The following MCPH1 variants were observed in gnomAD, a reference collection of about 807,000 sequenced individuals.
The protein encoded by MCPH1 is microcephalin 1, also known as microcephalin.
In MCPH1, 104 loss-of-function variants were observed where a neutral mutation model predicts 84.5. The observed-to-expected ratio is 1.23, with a 90% CI of 1.05 to 1.45. The LOEUF is 1.45. Ranked by LOEUF, MCPH1 falls within the 40% of genes most tolerant of loss-of-function variation. The probability of loss-of-function intolerance (pLI) is 0.00; values close to 1 mark genes in which losing one functional copy is unlikely to be tolerated. For missense variants in MCPH1, 1,498 were observed against 1,005.7 expected, an observed-to-expected ratio of 1.49 and a Z score of -6.62; for synonymous variants, 514 against 366.8, an observed-to-expected ratio of 1.40 and a Z score of -4.58.
chr8:6,617,900 A>AATCTATCTATCATCT, intron 12 of MCPH1, among the ~76,000 whole-genome samples: 1 of 143,134 alleles, frequency 7.0e-6, no homozygotes, highest in South Asian at 2.4e-4. Flanking sequence ...CTATCTATCT[A>AATCTATCTATCATCT]ATCTATCTAT....
intron 2 of MCPH1, among the ~76,000 whole-genome samples, chr8:6,412,223 G>A (rs923423553): frequency 6.6e-6 from 1 of 152,174 alleles, no homozygotes; most frequent in African/African-American, 2.4e-5. Flanking sequence ...TAATACACTG[G>A]AATGTAGGAA....
rs532224357 is a variant in MCPH1 at position 6,527,652 on chromosome 8, C to G, written c.2214+27723C>G. ...AGGGAGTGTTCCAAGAGCTGAAGTT[C>G]AAGTCTCGTGGTCTGATTTAATACC... On this transcript the variant is annotated intron_variant, in intron 12 of 13. Transcript: ENST00000344683. 36 of 1,613,848 alleles carry G rather than the reference C, an allele frequency of 2.2e-5. No homozygotes were observed. The Admixed American group carries it at 3.0e-4, about 13-fold the overall frequency.
At chr8:6,561,780 T>G (rs1825580998) in intron 12 of MCPH1, among the ~76,000 whole-genome samples, 1 of 152,172 alleles carries the variant, frequency 6.6e-6, no homozygotes, top group Admixed American at 6.5e-5. Context: ...TGTTTACATG[T>G]GAAAAAAAAT....
At chr8:6,420,101 A>G (rs1248273309) in intron 3 of MCPH1, among the ~76,000 whole-genome samples, 1 of 151,608 alleles carries the variant, frequency 6.6e-6, no homozygotes, top group African/African-American at 2.4e-5. Flanking sequence ...TTGTTTCTAT[A>G]GGATCCTTAA....
intron 5 of MCPH1, among the ~76,000 whole-genome samples, chr8:6,438,173 A>G (rs1802956559): frequency 6.6e-6 from 1 of 152,242 alleles, no homozygotes; most frequent in Admixed American, 6.5e-5. Context: ...AGTGTATTTG[A>G]AAATACTTTG....
At position 6,509,736 on chromosome 8, in the gene MCPH1, AT is replaced by A. The variant is rs1186938361; in HGVS notation, c.2214+9808del. Among the ~76,000 whole-genome samples, 9 of 152,300 alleles carry A rather than the reference AT, an allele frequency of 5.9e-5. No individual in the cohort carries two copies. In the South Asian group the frequency reaches 8.3e-4, roughly 14 times the overall value. On this transcript the variant is annotated intron_variant, in intron 12 of 13. Coordinates refer to ENST00000344683, the MANE Select transcript of MCPH1 (RefSeq NM_024596.5). Reference sequence around the variant, plus strand: ...CTGTTGAAAATGTTGTATATTGAAAATGCATGGAATACACCTGACCTTTGGA... The same window carrying A: ...CTGTTGAAAATGTTGTATATTGAAAAGCATGGAATACACCTGACCTTTGGA...
intron 11 of MCPH1, among the ~76,000 whole-genome samples, chr8:6,482,515 C>G (rs1460181097): frequency 6.6e-6 from 1 of 152,248 alleles, no homozygotes; most frequent in African/African-American, 2.4e-5. Context: ...GTGTCTTCAT[C>G]TGACTACTCT....
chr8:6,412,173 G>T (rs1798631013), intron 2 of MCPH1, among the ~76,000 whole-genome samples: 1 of 152,136 alleles, frequency 6.6e-6, no homozygotes, highest in Non-Finnish European at 1.5e-5. Context: ...CCGAATATAG[G>T]AGCAGGGCCT....
At chr8:6,594,659 G>A (rs3020247) in intron 12 of MCPH1, among the ~76,000 whole-genome samples, 2,188 of 151,846 alleles carry the variant, frequency 0.014, 53 homozygotes, top group African/African-American at 0.051. Flanking sequence ...CTGACGCTAC[G>A]AAGACTTCAG....
chr8:6,623,800 C>G (rs556648243), intron 13 of MCPH1, among the ~76,000 whole-genome samples: 1 of 150,972 alleles, frequency 6.6e-6, no homozygotes, highest in African/African-American at 2.4e-5. Flanking sequence ...TCAAAACATC[C>G]TATGTTCTGA....
chr8:6,450,824 CCTCAACTTACTGGG>C (rs1450199075), intron 8 of MCPH1, among the ~76,000 whole-genome samples: 18 of 152,074 alleles, frequency 1.2e-4, no homozygotes, highest in Admixed American at 1.2e-3. Context: ...CTCAATGCAG[CCTCAACTTACTGGG>C]CTCAAGTGAT....
intron 6 of MCPH1, among the ~76,000 whole-genome samples, chr8:6,441,505 C>T (rs914886019): frequency 2.0e-5 from 3 of 152,008 alleles, no homozygotes; most frequent in Admixed American, 6.6e-5. Context: ...TTGTATGAAC[C>T]GCCTTTGAAG....
chr8:6,498,106 G>C (rs1438527536), intron 11 of MCPH1, among the ~76,000 whole-genome samples: 3 of 152,156 alleles, frequency 2.0e-5, no homozygotes, highest in Admixed American at 1.3e-4. Flanking sequence ...CATCAGCAAG[G>C]TTTTGGTTTT....
At chr8:6,485,710 T>G (rs1809807316) in intron 11 of MCPH1, among the ~76,000 whole-genome samples, 1 of 152,152 alleles carries the variant, frequency 6.6e-6, no homozygotes, top group Admixed American at 6.5e-5. Flanking sequence ...TTGCGAAGGC[T>G]CAGGTGGCCT....
At chr8:6,594,890 G>A (rs1001364996) in intron 12 of MCPH1, among the ~76,000 whole-genome samples, 2 of 152,212 alleles carry the variant, frequency 1.3e-5, no homozygotes, top group Non-Finnish European at 2.9e-5. Flanking sequence ...AGGGATAGAA[G>A]AGACATTACT....
intron 2 of MCPH1, among the ~76,000 whole-genome samples, chr8:6,412,619 GT>G (rs1260080872): frequency 6.6e-6 from 1 of 152,136 alleles, no homozygotes; most frequent in African/African-American, 2.4e-5. Flanking sequence ...AGGTGTAGGG[GT>G]TTTACCAGAC....
rs758194177 is a variant in MCPH1 at position 6,622,185 on chromosome 8, C to T, written c.2452+494C>T. 1.2e-4 allele frequency: 24 copies of T among 203,870 alleles called. 1 individual carries two copies. The highest frequency in any genetic ancestry group is 4.0e-3 in the Middle Eastern group (2 of 506). The allele number at this position is 203,870 out of a possible 1,614,324, so 12.6% of individuals were successfully genotyped here. On this transcript the variant is annotated intron_variant, in intron 13 of 13. Transcript: ENST00000344683. ...GTTAAAAGACGTCAAACGACTCCAT[C>T]TTTTATTTGACAAAGTGAGCACAGT...
chr8:6,481,350 C>A (rs1269519974), intron 11 of MCPH1, among the ~76,000 whole-genome samples: 4 of 152,172 alleles, frequency 2.6e-5, no homozygotes, highest in Non-Finnish European at 5.9e-5. Flanking sequence ...GTATATCTAT[C>A]TGTAACATTA....
intron 10 of MCPH1, among the ~76,000 whole-genome samples, chr8:6,478,251 G>C (rs1175872373): frequency 6.6e-6 from 1 of 152,160 alleles, no homozygotes; most frequent in Non-Finnish European, 1.5e-5. Flanking sequence ...GGCACCTTTA[G>C]AACATTTTCA....
Sources: gnomAD v4.1 joint callset for allele counts (sites outside exome capture counted in the v4.1 genomes callset) on GRCh38, gnomAD v4.1.1 for gene constraint, MANE v1.5 for transcripts, NCBI Gene and HGNC (gene_info 2026-07-23, HGNC 2026-07-21) for gene names.